Variants in CCNY observed in about 807,000 individuals in gnomAD.
CCNY encodes cyclin Y, also known as cyclin-Y.
Under a neutral mutation model 42.8 loss-of-function variants are expected in CCNY, and 19 were observed. The observed-to-expected ratio is 0.44, with a 90% CI of 0.31 to 0.65. The LOEUF is 0.65. Ranked by LOEUF, CCNY falls within the 30% of genes least tolerant of loss-of-function variation. CCNY has a pLI of 0.07. For synonymous variants in CCNY, 165 were observed against 162.7 expected (o/e 1.01, Z -0.11); for missense variants, 370 against 437.3 (o/e 0.85, Z 1.37).
At chr10:35,365,181 G>T (rs1015089331) in intron 1 of CCNY, among the ~76,000 whole-genome samples, 19 of 152,112 alleles carry the variant, frequency 1.2e-4, no homozygotes, top group Admixed American at 1.0e-3. Context: ...CATGAGATAG[G>T]CTATCTTTTC....
At chr10:35,459,951 G>A (rs781583842) in intron 1 of CCNY, among the ~76,000 whole-genome samples, 13 of 152,260 alleles carry the variant, frequency 8.5e-5, no homozygotes, top group Admixed American at 3.3e-4. Context: ...GGGAAAAAAA[G>A]GATTACTGGC....
chr10:35,512,307 A>G (rs1840340226), intron 3 of CCNY, among the ~76,000 whole-genome samples: 1 of 152,166 alleles, frequency 6.6e-6, no homozygotes, highest in South Asian at 2.1e-4. Flanking sequence ...GGGGCCAGAA[A>G]GGAGAGATTT....
chr10:35,507,296 CAT>C (rs767123958), intron 3 of CCNY, among the ~76,000 whole-genome samples: 4 of 151,982 alleles, frequency 2.6e-5, no homozygotes, highest in Non-Finnish European at 5.9e-5. Flanking sequence ...TGTGTGTGTA[CAT>C]ATATATGTTT....
intron 3 of CCNY, among the ~76,000 whole-genome samples, chr10:35,511,826 A>G (rs1840330497): frequency 6.6e-6 from 1 of 152,172 alleles, no homozygotes; most frequent in Admixed American, 6.5e-5. Flanking sequence ...GTGTGCAGGG[A>G]AAGAGGAAGT....
At chr10:35,373,047 A>C (rs531631980) in intron 1 of CCNY, among the ~76,000 whole-genome samples, 27 of 152,296 alleles carry the variant, frequency 1.8e-4, no homozygotes, top group Non-Finnish European at 2.9e-4. Flanking sequence ...TAGATTGTAA[A>C]CTGAAAGGAT....
intron 3 of CCNY, among the ~76,000 whole-genome samples, chr10:35,293,958 T>G (rs1034455197): frequency 4.6e-5 from 7 of 152,094 alleles, no homozygotes; most frequent in African/African-American, 1.7e-4. Flanking sequence ...ACTCGGCTAC[T>G]TTTTGTATTT....
intron 1 of CCNY, among the ~76,000 whole-genome samples, chr10:35,375,080 A>T (rs1837022070): frequency 1.3e-5 from 2 of 151,576 alleles, no homozygotes; most frequent in Non-Finnish European, 2.9e-5. Flanking sequence ...TTTTTTTTTT[A>T]AAGAAGGACT....
At chr10:35,460,547 C>T (rs1437750946) in intron 1 of CCNY, among the ~76,000 whole-genome samples, 2 of 152,252 alleles carry the variant, frequency 1.3e-5, no homozygotes, top group Non-Finnish European at 2.9e-5. Flanking sequence ...GTGCCTGGCA[C>T]ATAACATTCA....
intron 4 of CCNY, among the ~76,000 whole-genome samples, chr10:35,520,054 A>G (rs1441916286): frequency 6.6e-6 from 1 of 152,142 alleles, no homozygotes; most frequent in Non-Finnish European, 1.5e-5. Flanking sequence ...CGTCAGCCAC[A>G]GTGCCCAGCC....
At chr10:35,372,747 T>C (rs1387859582) in intron 1 of CCNY, among the ~76,000 whole-genome samples, 1 of 152,234 alleles carries the variant, frequency 6.6e-6, no homozygotes, top group Admixed American at 6.5e-5. Context: ...TTGCCCAGGC[T>C]AGAGTACAAT....
At chr10:35,389,592 A>G (rs1287963476) in intron 1 of CCNY, among the ~76,000 whole-genome samples, 1 of 152,008 alleles carries the variant, frequency 6.6e-6, no homozygotes, top group Non-Finnish European at 1.5e-5. Context: ...GGCGCCTGCC[A>G]CCATGCCCAG....
At chr10:35,508,089 A>G (rs1271755301) in intron 3 of CCNY, among the ~76,000 whole-genome samples, 2 of 151,654 alleles carry the variant, frequency 1.3e-5, no homozygotes, top group African/African-American at 4.8e-5. Context: ...CTTTATCCCC[A>G]CCCCCAGATT....
intron 3 of CCNY, among the ~76,000 whole-genome samples, chr10:35,295,205 G>C (rs1835456928): frequency 6.6e-6 from 1 of 150,616 alleles, no homozygotes; most frequent in Admixed American, 6.7e-5. Context: ...TACAGATATT[G>C]ATAAATAAGT....
At chr10:35,527,900 A>G (rs2135420756) in intron 5 of CCNY, among the ~76,000 whole-genome samples, 1 of 152,314 alleles carries the variant, frequency 6.6e-6, no homozygotes, top group South Asian at 2.1e-4. Context: ...GTTGGGACAC[A>G]CAGCTTTTAG....
chr10:35,569,324 A>G lies in CCNY; in HGVS notation c.*154A>G. On this transcript the variant is annotated 3_prime_UTR_variant, in exon 10 of 10. Transcript: ENST00000374704. Reference sequence around the variant, plus strand: ...TGCCTGGATGAGCGCCCATGCAGCAAGGCTTGGAGGAAGCGTCAGTGCCCT... The same window carrying G: ...TGCCTGGATGAGCGCCCATGCAGCAGGGCTTGGAGGAAGCGTCAGTGCCCT... 1 of 616,452 alleles carries G rather than the reference A, an allele frequency of 1.6e-6. No individual in the cohort carries two copies. Among genetic ancestry groups the G allele is most frequent in the Non-Finnish European group, 2.9e-6 (1 of 344,318 alleles). The allele number at this position is 616,452 out of a possible 1,614,324, so 38.2% of individuals were successfully genotyped here. A position where few individuals can be genotyped will look rare whatever the true frequency, so the allele number is the denominator to read the frequency against.
chr10:35,441,830 G>T (rs1838676316), intron 1 of CCNY, among the ~76,000 whole-genome samples: 1 of 150,960 alleles, frequency 6.6e-6, no homozygotes, highest in Admixed American at 6.6e-5. Context: ...AGGTGTAGAT[G>T]TCTTTAATAA....
At chr10:35,447,965 G>A (rs1838828818) in intron 1 of CCNY, among the ~76,000 whole-genome samples, 1 of 152,206 alleles carries the variant, frequency 6.6e-6, no homozygotes, top group Admixed American at 6.5e-5. Context: ...TGCCGTTCAT[G>A]GTGTAGCTCC....
chr10:35,260,328 A>C (rs1465433056), intron 3 of CCNY, among the ~76,000 whole-genome samples: 2 of 152,144 alleles, frequency 1.3e-5, no homozygotes, highest in African/African-American at 4.8e-5. Context: ...TGTATGTAAG[A>C]GCCTACCTCT....
chr10:35,258,703 C>T (rs559495195), intron 3 of CCNY, among the ~76,000 whole-genome samples: 58 of 152,094 alleles, frequency 3.8e-4, no homozygotes, highest in African/African-American at 1.3e-3. Flanking sequence ...TTTGGGAGGC[C>T]GAGGTGGGCG....
Sources: gnomAD v4.1 joint callset for allele counts (sites outside exome capture counted in the v4.1 genomes callset) on GRCh38, gnomAD v4.1.1 for gene constraint, MANE v1.5 for transcripts, NCBI Gene and HGNC (gene_info 2026-07-23, HGNC 2026-07-21) for gene names.